GLCCI1: variants seen among roughly 807,000 people sequenced by gnomAD.
The protein encoded by GLCCI1 is glucocorticoid induced 1, also known as glucocorticoid-induced transcript 1 protein.
Under a neutral mutation model 52.2 loss-of-function variants are expected in GLCCI1, and 24 were observed. The observed-to-expected ratio is 0.46, with a 90% CI of 0.33 to 0.65. The LOEUF (loss-of-function observed/expected upper bound fraction) is 0.65, where lower values mean the gene tolerates loss of function less well. Among genes scored for constraint, GLCCI1 ranks in the 30% least tolerant of loss-of-function variants. The pLI, the probability that GLCCI1 is intolerant of heterozygous loss-of-function variation, is 0.02. For synonymous variants in GLCCI1, 310 were observed against 276.5 expected, an observed-to-expected ratio of 1.12 and a Z score of -1.20; for missense variants, 704 against 701.5, an observed-to-expected ratio of 1.00 and a Z score of -0.04.
At chr7:8,010,834 G>A (rs1379824434) in intron 2 of GLCCI1, among the ~76,000 whole-genome samples, 3 of 152,040 alleles carry the variant, frequency 2.0e-5, no homozygotes, top group Non-Finnish European at 4.4e-5. Flanking sequence ...CACAGAGATG[G>A]AATCATACTT....
intron 3 of GLCCI1, among the ~76,000 whole-genome samples, chr7:8,055,152 G>A (rs914510011): frequency 5.9e-5 from 9 of 152,072 alleles, no homozygotes; most frequent in African/African-American, 2.2e-4. Context: ...GATATTTCTG[G>A]TGTTACAAAG....
intron 1 of GLCCI1, among the ~76,000 whole-genome samples, chr7:7,974,322 G>A (rs908940936): frequency 6.6e-6 from 1 of 152,096 alleles, no homozygotes; most frequent in East Asian, 1.9e-4. Context: ...AACTGTTATT[G>A]TAAGCGTATT....
intron 2 of GLCCI1, among the ~76,000 whole-genome samples, chr7:8,013,909 G>A (rs1781322600): frequency 1.3e-5 from 2 of 151,388 alleles, no homozygotes; most frequent in Admixed American, 1.3e-4. Context: ...TTTATTTCTT[G>A]GTATGTGTCC....
intron 2 of GLCCI1, among the ~76,000 whole-genome samples, chr7:8,014,694 G>C (rs1043651250): frequency 6.6e-6 from 1 of 152,102 alleles, no homozygotes; most frequent in African/African-American, 2.4e-5. Flanking sequence ...TACTAGCCTA[G>C]TATGTTTTTG....
At chr7:8,026,963 T>C (rs900360578) in intron 3 of GLCCI1, among the ~76,000 whole-genome samples, 1 of 152,226 alleles carries the variant, frequency 6.6e-6, no homozygotes, top group African/African-American at 2.4e-5. Flanking sequence ...CACAGTGTTA[T>C]TGGGCTTGGG....
At chr7:8,076,680 A>G (rs1562452086) in intron 6 of GLCCI1, among the ~76,000 whole-genome samples, 1 of 152,236 alleles carries the variant, frequency 6.6e-6, no homozygotes, top group Non-Finnish European at 1.5e-5. Flanking sequence ...TAAGCAAATC[A>G]AAAATTTTTA....
intron 6 of GLCCI1, among the ~76,000 whole-genome samples, chr7:8,073,064 A>AGAAAGTATAATCATGTCACTCTCCT (rs1782798121): frequency 6.6e-6 from 1 of 152,172 alleles, no homozygotes; most frequent in Admixed American, 6.5e-5. Context: ...TTTTATTATG[A>AGAAAGTATAATCATGTCACTCTCCT]GAAAGTATAA....
At chr7:8,061,352 G>A (rs1355434781) in intron 5 of GLCCI1, among the ~76,000 whole-genome samples, 2 of 151,976 alleles carry the variant, frequency 1.3e-5, no homozygotes, top group Admixed American at 6.6e-5. Context: ...CGTCCACCTC[G>A]GCCTCCCAAA....
chr7:7,983,407 A>G (rs1017687346), intron 1 of GLCCI1, among the ~76,000 whole-genome samples: 2 of 152,160 alleles, frequency 1.3e-5, no homozygotes, highest in African/African-American at 4.8e-5. Context: ...GACCCACTGT[A>G]TTATTCCATA....
At chr7:8,034,902 C>T (rs879315284) in intron 3 of GLCCI1, among the ~76,000 whole-genome samples, 6 of 152,120 alleles carry the variant, frequency 3.9e-5, no homozygotes, top group Non-Finnish European at 8.8e-5. Flanking sequence ...GATTTGGGGA[C>T]TTACTGAGGG....
chr7:7,993,921 T>A, intron 1 of GLCCI1, among the ~76,000 whole-genome samples: 1 of 152,226 alleles, frequency 6.6e-6, no homozygotes, highest in Middle Eastern at 3.2e-3. Context: ...TGGGTTTATA[T>A]CCTGATAAAC....
chr7:8,037,675 A>C (rs1485288698), intron 3 of GLCCI1, among the ~76,000 whole-genome samples: 1 of 152,180 alleles, frequency 6.6e-6, no homozygotes, highest in Non-Finnish European at 1.5e-5. Flanking sequence ...AAGACACGTA[A>C]AGACTCAAGG....
intron 3 of GLCCI1, among the ~76,000 whole-genome samples, chr7:8,051,677 G>A (rs1385134606): frequency 3.3e-5 from 5 of 152,204 alleles, no homozygotes; most frequent in Non-Finnish European, 7.3e-5. Flanking sequence ...CATCTTTTAA[G>A]TTAAGTTTAG....
At chr7:8,016,313 C>CA (rs1195410116) in intron 2 of GLCCI1, among the ~76,000 whole-genome samples, 1 of 151,928 alleles carries the variant, frequency 6.6e-6, no homozygotes, top group African/African-American at 2.4e-5. Context: ...ACTAAAAATA[C>CA]AAAAAATTAG....
intron 1 of GLCCI1, among the ~76,000 whole-genome samples, chr7:7,986,674 A>C (rs973166719): frequency 2.0e-5 from 3 of 152,258 alleles, no homozygotes; most frequent in Non-Finnish European, 2.9e-5. Flanking sequence ...TTAGAAGCAT[A>C]GTTATGAAGG....
chr7:7,979,508 A>T (rs1029504573), intron 1 of GLCCI1, among the ~76,000 whole-genome samples: 1 of 152,178 alleles, frequency 6.6e-6, no homozygotes, highest in Non-Finnish European at 1.5e-5. Context: ...TTCTTTCATT[A>T]GATGAAGCTT....
At chr7:8,045,963 C>CAA (rs34250934) in intron 3 of GLCCI1, among the ~76,000 whole-genome samples, 60,824 of 144,206 alleles carry the variant, frequency 0.42, 12,607 homozygotes, top group Middle Eastern at 0.51. Flanking sequence ...ACCACAATTC[C>CAA]AAAAAAAAAA....
intron 1 of GLCCI1, among the ~76,000 whole-genome samples, chr7:8,002,259 A>T (rs961268356): frequency 7.5e-6 from 1 of 133,146 alleles, no homozygotes; most frequent in African/African-American, 2.8e-5. Context: ...ACTGATAATT[A>T]TTCCTATATT....
intron 6 of GLCCI1, among the ~76,000 whole-genome samples, chr7:8,076,142 C>T (rs1469026320): frequency 6.6e-6 from 1 of 151,950 alleles, no homozygotes; most frequent in Non-Finnish European, 1.5e-5. Context: ...TGACCTATGC[C>T]CTTACTATGC....
Sources: gnomAD v4.1 joint callset for allele counts (sites outside exome capture counted in the v4.1 genomes callset) on GRCh38, gnomAD v4.1.1 for gene constraint, MANE v1.5 for transcripts, NCBI Gene and HGNC (gene_info 2026-07-23, HGNC 2026-07-21) for gene names.